The following SORCS2 variants were observed in gnomAD, a reference collection of about 807,000 sequenced individuals.
SORCS2 encodes the protein sortilin related VPS10 domain containing receptor 2.
SORCS2 carries 100 observed loss-of-function variants against 141.6 expected under a neutral mutation model. The observed-to-expected ratio is 0.71, with a 90% CI of 0.60 to 0.83. SORCS2 has a LOEUF of 0.83. SORCS2 is among the 40% of genes least tolerant of loss of function. The pLI, the probability that SORCS2 is intolerant of heterozygous loss-of-function variation, is 0.00. For missense variants in SORCS2, 1,646 were observed against 1,560.2 expected (o/e 1.05, Z -0.93); for synonymous variants, 789 against 676.9 (o/e 1.17, Z -2.57).
At chr4:7,276,024 C>G (rs557399487) in intron 1 of SORCS2, among the ~76,000 whole-genome samples, 1 of 152,278 alleles carries the variant, frequency 6.6e-6, no homozygotes, top group African/African-American at 2.4e-5. Context: ...TGGGGAGTTG[C>G]TCTGCTCATA....
chr4:7,654,145 A>G lies in SORCS2; in HGVS notation c.825A>G (p.Ser275=), dbSNP rs372965177. Residue 275 remains serine (S), a synonymous_variant, in exon 5 of 27, where the codon TCA becomes TCG. Coordinates refer to ENST00000507866, the MANE Select transcript of SORCS2 (RefSeq NM_020777.3). ...TTTCTGCCCTAAAGCTCTACGTGTC[A>G]TCTGACTTGGGGAAAAAGTGGACAC... ...AYTKESKLYV[S]SDLGKKWTLL... 2 of 1,579,432 alleles carry G rather than the reference A, an allele frequency of 1.3e-6. No homozygotes were observed. Among genetic ancestry groups the G allele is most frequent in the African/African-American group, 1.3e-5 (1 of 74,566 alleles).
chr4:7,494,480 A>T (rs1430425618), intron 2 of SORCS2, among the ~76,000 whole-genome samples: 1 of 151,588 alleles, frequency 6.6e-6, no homozygotes, highest in Non-Finnish European at 1.5e-5. Flanking sequence ...CCTGGCTTGC[A>T]GATGTCTGCC....
At chr4:7,337,447 T>C (rs1720055952) in intron 1 of SORCS2, among the ~76,000 whole-genome samples, 1 of 152,066 alleles carries the variant, frequency 6.6e-6, no homozygotes, top group South Asian at 2.1e-4. Flanking sequence ...AGACTCATAC[T>C]TGGTGGAAGT....
At chr4:7,516,637 G>A (rs538789830) in intron 2 of SORCS2, among the ~76,000 whole-genome samples, 1 of 152,288 alleles carries the variant, frequency 6.6e-6, no homozygotes. Context: ...GACAGGCGTC[G>A]GGGCTGCACG....
intron 3 of SORCS2, among the ~76,000 whole-genome samples, chr4:7,535,085 G>A (rs1712007209): frequency 6.6e-6 from 1 of 152,238 alleles, no homozygotes; most frequent in African/African-American, 2.4e-5. Context: ...GGTGGCAGGA[G>A]CAAAGTCACA....
chr4:7,740,329 G>T lies in SORCS2; in HGVS notation c.*65G>T, dbSNP rs184162099. On this transcript the variant is annotated 3_prime_UTR_variant, in exon 27 of 27. Coordinates refer to ENST00000507866, the MANE Select transcript of SORCS2 (RefSeq NM_020777.3). The stretch of plus-strand genomic sequence containing the variant: ...AGAACCACCAGCAAAGCCGGCGGCT[G>T]GACTGGCGCCCCTCAGAGACCTGCG... 7,039 of 1,470,514 alleles carry T rather than the reference G, an allele frequency of 4.8e-3. 34 individuals are homozygous for T. The highest frequency in any genetic ancestry group is 5.6e-3 in the Non-Finnish European group (5,960 of 1,071,018). 91.1% of individuals were successfully genotyped at this position (1,470,514 alleles called of 1,614,324 possible).
chr4:7,305,161 A>C (rs1717707524), intron 1 of SORCS2, among the ~76,000 whole-genome samples: 1 of 151,698 alleles, frequency 6.6e-6, no homozygotes, highest in Non-Finnish European at 1.5e-5. Flanking sequence ...CCTCCCGAGT[A>C]GCTGGGACTG....
rs1457211902 is a variant in SORCS2 at position 7,308,948 on chromosome 4, C to T, written c.481-87340C>T. ...TGCCAAGACCTCCTGCTCTCTGGCCCTCTCCTACTGAGAAGAGTTCTGGGG... is the reference window on the plus strand; with the variant it reads ...TGCCAAGACCTCCTGCTCTCTGGCCTTCTCCTACTGAGAAGAGTTCTGGGG... On this transcript the variant is annotated intron_variant, in intron 1 of 26. Coordinates refer to ENST00000507866, the MANE Select transcript of SORCS2 (RefSeq NM_020777.3). Among the ~76,000 whole-genome samples the T allele has an allele frequency of 2.6e-5, 4 of 152,200 alleles. No homozygotes were observed. The East Asian group carries it at 7.7e-4, about 29-fold the overall frequency.
intron 1 of SORCS2, among the ~76,000 whole-genome samples, chr4:7,290,096 G>T (rs1439202681): frequency 6.6e-6 from 1 of 152,198 alleles, no homozygotes; most frequent in Non-Finnish European, 1.5e-5. Flanking sequence ...GGGGGAGACT[G>T]CAAGTAGCTG....
chr4:7,422,589 TTG>T (rs1726152694), intron 2 of SORCS2, among the ~76,000 whole-genome samples: 1 of 152,114 alleles, frequency 6.6e-6, no homozygotes, highest in African/African-American at 2.4e-5. Flanking sequence ...CCTAATCCCC[TTG>T]TGTGTGAGTG....
rs76896670 is a variant in SORCS2, at chr4:7,437,143, C to T, written c.548+40788C>T. Among the ~76,000 whole-genome samples the T allele has an allele frequency of 5.5e-3, 841 of 152,270 alleles. 8 individuals are homozygous for T. Among genetic ancestry groups the T allele is most frequent in the African/African-American group, 0.019 (787 of 41,554 alleles). On this transcript the variant is annotated intron_variant, in intron 2 of 26. Transcript: ENST00000507866. ...GACCCCACACGTTAAGGGCTCAGCC[C>T]CCACTGTAGATGCTAATAATCACAG...
intron 11 of SORCS2, among the ~76,000 whole-genome samples, chr4:7,690,794 T>TG (rs1724193573): frequency 1.3e-5 from 2 of 152,230 alleles, no homozygotes; most frequent in Non-Finnish European, 2.9e-5. Context: ...TCTAGTTTAG[T>TG]GGGGGGAGAA....
At chr4:7,269,741 T>C (rs549293234) in intron 1 of SORCS2, among the ~76,000 whole-genome samples, 1 of 152,328 alleles carries the variant, frequency 6.6e-6, no homozygotes, top group East Asian at 1.9e-4. Context: ...CCCCAACACC[T>C]TAATCTCAGC....
At chr4:7,399,913 C>T (rs11722083) in intron 2 of SORCS2, among the ~76,000 whole-genome samples, 13,037 of 152,098 alleles carry the variant, frequency 0.086, 697 homozygotes, top group East Asian at 0.26. Context: ...CACGGGCACT[C>T]GAATCTCCTG....
chr4:7,422,427 G>A (rs940532060), intron 2 of SORCS2, among the ~76,000 whole-genome samples: 1 of 152,144 alleles, frequency 6.6e-6, no homozygotes, highest in Non-Finnish European at 1.5e-5. Flanking sequence ...GACACTGCCC[G>A]TGGGCCCACA....
intron 2 of SORCS2, among the ~76,000 whole-genome samples, chr4:7,508,356 T>G: frequency 6.8e-6 from 1 of 146,756 alleles, no homozygotes; most frequent in African/African-American, 2.5e-5. Context: ...CAGGCTTTTT[T>G]TTTTTTTTTT....
At chr4:7,564,111 G>C (rs1714788727) in intron 3 of SORCS2, among the ~76,000 whole-genome samples, 1 of 152,240 alleles carries the variant, frequency 6.6e-6, no homozygotes, top group South Asian at 2.1e-4. Flanking sequence ...TGGAGGGACA[G>C]GTGTCTCCCG....
At chr4:7,200,520 C>A (rs555665191) in intron 1 of SORCS2, among the ~76,000 whole-genome samples, 1 of 152,130 alleles carries the variant, frequency 6.6e-6, no homozygotes, top group African/African-American at 2.4e-5. Context: ...CCAACCCGGA[C>A]GTTGTTTATG....
At chr4:7,514,015 G>A (rs1732825465) in intron 2 of SORCS2, among the ~76,000 whole-genome samples, 1 of 152,142 alleles carries the variant, frequency 6.6e-6, no homozygotes, top group African/African-American at 2.4e-5. Flanking sequence ...TATGGAGCCT[G>A]TTTGGGCATC....
Sources: gnomAD v4.1 joint callset for allele counts (sites outside exome capture counted in the v4.1 genomes callset) on GRCh38, gnomAD v4.1.1 for gene constraint, MANE v1.5 for transcripts, NCBI Gene and HGNC (gene_info 2026-07-23, HGNC 2026-07-21) for gene names.